FCHSD2: variants seen among roughly 807,000 people sequenced by gnomAD.
FCHSD2 encodes the protein F-BAR and double SH3 domains protein 2.
A neutral mutation model predicts 108.1 loss-of-function variants in FCHSD2; 38 were observed. The observed-to-expected ratio is 0.35, with a 90% CI of 0.27 to 0.46. The LOEUF is 0.46. Ranked by LOEUF, FCHSD2 falls within the 20% of genes least tolerant of loss-of-function variation. The probability of loss-of-function intolerance (pLI) is 1.00; values close to 1 mark genes in which losing one functional copy is unlikely to be tolerated. For synonymous variants in FCHSD2, 279 were observed against 314.7 expected (o/e 0.89, Z 1.20); for missense variants, 751 against 897.8 (o/e 0.84, Z 2.09).
At chr11:72,928,065 T>C (rs755969386) in intron 8 of FCHSD2, among the ~76,000 whole-genome samples, 11 of 152,228 alleles carry the variant, frequency 7.2e-5, no homozygotes, top group Non-Finnish European at 1.5e-4. Context: ...TGTGGTATAA[T>C]GTTAGTCTTT....
At chr11:72,842,544 T>C in intron 17 of FCHSD2, 77 bp downstream of exon 17, 1 of 1,571,470 alleles carries the variant, frequency 6.4e-7, no homozygotes, top group Non-Finnish European at 8.7e-7. Flanking sequence ...CAGCCCACTT[T>C]TGTGTGGATC....
chr11:72,989,130 T>A lies in FCHSD2; in HGVS notation c.388-33A>T, dbSNP rs576717520. ...ATACAAAAGTACAATCATTATGATT[T>A]TAGTTTTCAGGCTTACAGAAAATGA... On this transcript the variant is annotated intron_variant, in intron 5 of 19. Transcript: ENST00000409418. 3 of 1,570,064 alleles carry A rather than the reference T, an allele frequency of 1.9e-6. No individual in the cohort carries two copies. The South Asian group carries it at 3.5e-5, about 18-fold the overall frequency.
chr11:72,902,160 C>G (rs1855540164), intron 10 of FCHSD2, among the ~76,000 whole-genome samples: 1 of 152,170 alleles, frequency 6.6e-6, no homozygotes, highest in African/African-American at 2.4e-5. Flanking sequence ...CAAGCGTGAG[C>G]CACAGCGCAC....
chr11:72,887,607 GT>G, intron 11 of FCHSD2, 33 bp from the exon 12 acceptor site: 1 of 1,335,206 alleles, frequency 7.5e-7, no homozygotes, highest in Non-Finnish European at 1.0e-6. Context: ...AATGATGACT[GT>G]TTTTTACTTT....
intron 8 of FCHSD2, among the ~76,000 whole-genome samples, chr11:72,980,031 G>A (rs1240857003): frequency 6.6e-6 from 1 of 152,166 alleles, no homozygotes; most frequent in Non-Finnish European, 1.5e-5. Flanking sequence ...CCAAAGCTGA[G>A]GTGAAAAGAT....
chr11:72,846,073 T>TAG lies in FCHSD2; in HGVS notation c.1444-2543_1444-2542dup, dbSNP rs1434991732. Among the ~76,000 whole-genome samples the TAG allele has an allele frequency of 9.2e-3, 8 of 872 alleles. No individual in the cohort carries two copies. The Admixed American group carries it at 0.11, about 11-fold the overall frequency. 0.6% of individuals were successfully genotyped at this position (872 alleles called of 152,430 possible). A position where few individuals can be genotyped will look rare whatever the true frequency, so the allele number is the denominator to read the frequency against. On this transcript the variant is annotated intron_variant, in intron 14 of 19. Coordinates refer to ENST00000409418, the MANE Select transcript of FCHSD2 (RefSeq NM_014824.3). Reference sequence around the variant, plus strand: ...ATAAATAGATAGATAGATAGATAGATAGATAGATAGATAGATAGATAAGTA... The same window carrying TAG: ...ATAAATAGATAGATAGATAGATAGATAGAGATAGATAGATAGATAGATAAGTA...
intron 2 of FCHSD2, among the ~76,000 whole-genome samples, chr11:73,083,943 T>C (rs1859756502): frequency 6.6e-6 from 1 of 152,216 alleles, no homozygotes; most frequent in South Asian, 2.1e-4. Context: ...GCTGTACCAC[T>C]TACTAGCTGT....
intron 8 of FCHSD2, among the ~76,000 whole-genome samples, chr11:72,980,930 GC>G (rs1857204514): frequency 6.6e-6 from 1 of 152,022 alleles, no homozygotes; most frequent in African/African-American, 2.4e-5. Flanking sequence ...CTGCTTTTAA[GC>G]TACCCATATA....
chr11:72,883,410 A>G (rs1855129520), intron 12 of FCHSD2, among the ~76,000 whole-genome samples: 1 of 152,254 alleles, frequency 6.6e-6, no homozygotes, highest in Non-Finnish European at 1.5e-5. Context: ...ATGTACCTAA[A>G]AAATGACTAG....
chr11:72,911,606 C>T (rs1315853151), intron 9 of FCHSD2, among the ~76,000 whole-genome samples: 1 of 152,058 alleles, frequency 6.6e-6, no homozygotes, highest in East Asian at 1.9e-4. Flanking sequence ...ATTTATTCTC[C>T]CAATCCATCA....
intron 3 of FCHSD2, among the ~76,000 whole-genome samples, chr11:73,079,444 C>T (rs931517576): frequency 2.3e-4 from 35 of 151,902 alleles, no homozygotes; most frequent in African/African-American, 8.0e-4. Context: ...GTGATCCGCC[C>T]GCTTCAGCCT....
intron 3 of FCHSD2, among the ~76,000 whole-genome samples, chr11:73,027,693 G>A (rs559444754): frequency 6.6e-6 from 1 of 152,366 alleles, no homozygotes; most frequent in East Asian, 1.9e-4. Flanking sequence ...TTTCAGAGAT[G>A]TTCGCTGCAC....
chr11:72,898,378 T>C (rs1855462252), intron 10 of FCHSD2, among the ~76,000 whole-genome samples: 1 of 152,270 alleles, frequency 6.6e-6, no homozygotes, highest in Non-Finnish European at 1.5e-5. Flanking sequence ...CTCTTGCCTG[T>C]AAGGCAAGGG....
chr11:72,979,232 G>A (rs561880510), intron 8 of FCHSD2, among the ~76,000 whole-genome samples: 2 of 152,114 alleles, frequency 1.3e-5, no homozygotes, highest in East Asian at 3.9e-4. Flanking sequence ...AGGATGTGGA[G>A]AAAACAGAAC....
chr11:72,932,807 A>G (rs1393716081), intron 8 of FCHSD2, among the ~76,000 whole-genome samples: 1 of 152,144 alleles, frequency 6.6e-6, no homozygotes, highest in Non-Finnish European at 1.5e-5. Context: ...TTCTGTGTTG[A>G]GCATAGGGTT....
chr11:72,983,255 C>T (rs968584585), intron 8 of FCHSD2, among the ~76,000 whole-genome samples: 1 of 150,522 alleles, frequency 6.6e-6, no homozygotes, highest in African/African-American at 2.4e-5. Context: ...GATCCCGCCA[C>T]TGCACTCCAG....
chr11:73,100,334 T>TTTG (rs56104404), intron 2 of FCHSD2, among the ~76,000 whole-genome samples: 11,584 of 149,008 alleles, frequency 0.078, 485 homozygotes, highest in East Asian at 0.11. Flanking sequence ...TTTACATGCT[T>TTTG]TTGTTGTTGT....
chr11:72,871,994 AT>A (rs1037407261), intron 12 of FCHSD2, among the ~76,000 whole-genome samples: 2 of 151,754 alleles, frequency 1.3e-5, no homozygotes, highest in African/African-American at 2.4e-5. Context: ...TGCTGAATTA[AT>A]TTTTTTTATA....
intron 3 of FCHSD2, among the ~76,000 whole-genome samples, chr11:73,035,201 TGTAC>T (rs534850451): frequency 0.25 from 21,258 of 85,814 alleles, 1,966 homozygotes; most frequent in African/African-American, 0.31. Flanking sequence ...TATGTATGTA[TGTAC>T]GTACTAAGAC....
Sources: allele counts gnomAD v4.1 joint callset (sites outside exome capture counted in the v4.1 genomes callset), GRCh38; gene constraint gnomAD v4.1.1; transcripts MANE v1.5; gene names NCBI Gene and HGNC (gene_info 2026-07-23, HGNC 2026-07-21).